Variants in ASPRV1 observed in about 807,000 individuals in gnomAD.
ASPRV1 encodes retroviral-like aspartic protease 1.
In ASPRV1, 7 loss-of-function variants were observed where a neutral mutation model predicts 11.0. That is an observed-to-expected ratio of 0.64 (90% CI 0.36 to 1.20). The LOEUF is 1.20. Among genes scored for constraint, ASPRV1 ranks in the 50% most tolerant of loss-of-function variants. The pLI is 0.02. For missense variants in ASPRV1, 299 were observed against 320.0 expected, an observed-to-expected ratio of 0.93 and a Z score of 0.50; for synonymous variants, 136 against 138.4, an observed-to-expected ratio of 0.98 and a Z score of 0.12.
chr2:69,944,418 G>A, the ASPRV1 span, among the ~76,000 whole-genome samples: 9 of 152,312 alleles, frequency 5.9e-5, no homozygotes, highest in South Asian at 4.1e-4. Flanking sequence ...CAGGGCCTCC[G>A]TGAACCTTCA....
chr2:70,014,796 C>CAAAAAAAAAAAA, the ASPRV1 span, among the ~76,000 whole-genome samples: 160 of 73,506 alleles, frequency 2.2e-3, 1 homozygote, highest in Non-Finnish European at 3.2e-3. Flanking sequence ...GACCTTGTCT[C>CAAAAAAAAAAAA]AAAAAAAAAA....
At chr2:69,955,852 A>G (rs1455243526), downstream of ASPRV1, among the ~76,000 whole-genome samples, 2 of 152,182 alleles carry the variant, frequency 1.3e-5, no homozygotes, top group African/African-American at 4.8e-5. Context: ...AGAGAGAGAA[A>G]TATAGAGAAG....
the ASPRV1 span, chr2:70,032,091 G>A: frequency 6.6e-6 from 1 of 152,170 alleles, no homozygotes; most frequent in Admixed American, 6.5e-5. Context: ...CTGAGAGTGG[G>A]GAAGGATGTG....
chr2:69,971,738 A>C, the ASPRV1 span, among the ~76,000 whole-genome samples: 100,506 of 152,086 alleles, frequency 0.66, 35,447 homozygotes, highest in African/African-American at 0.9. Context: ...CATGTAGCCA[A>C]GCCAGCCCTG....
chr2:69,995,058 A>C, the ASPRV1 span, among the ~76,000 whole-genome samples: 6 of 151,050 alleles, frequency 4.0e-5, no homozygotes, highest in Non-Finnish European at 5.9e-5. Flanking sequence ...ATATCCAAGC[A>C]CATCACATGT....
chr2:69,964,775 C>G (rs1054189015), upstream of ASPRV1: 1 of 152,744 alleles, frequency 6.5e-6, no homozygotes, highest in African/African-American at 2.4e-5. Flanking sequence ...TCCACGCCCC[C>G]TCACTGAGAT....
chr2:70,023,260 C>T, the ASPRV1 span, among the ~76,000 whole-genome samples: 1 of 152,162 alleles, frequency 6.6e-6, no homozygotes, highest in Non-Finnish European at 1.5e-5. Context: ...TCTTCTTCAC[C>T]TTCTGAATCT....
the ASPRV1 span, chr2:69,937,412 T>A: frequency 6.3e-7 from 1 of 1,582,900 alleles, no homozygotes; most frequent in Non-Finnish European, 8.6e-7. Context: ...TCTCTCACTC[T>A]CCTCCCTGTC....
chr2:69,958,533 G>C (rs1433056730), downstream of ASPRV1, among the ~76,000 whole-genome samples: 1 of 152,106 alleles, frequency 6.6e-6, no homozygotes, highest in Non-Finnish European at 1.5e-5. Context: ...ATTCTGGCCT[G>C]GCCACCAATT....
the ASPRV1 span, among the ~76,000 whole-genome samples, chr2:70,065,819 C>CAAAAAA: frequency 1.5e-4 from 10 of 67,446 alleles, no homozygotes; most frequent in African/African-American, 4.1e-4. Flanking sequence ...GCTTTTGACT[C>CAAAAAA]AAAAAAAAAA....
At chr2:69,968,441 T>G in the ASPRV1 span, 4 of 151,996 alleles carry the variant, frequency 2.6e-5, no homozygotes, top group African/African-American at 9.7e-5. Flanking sequence ...GGAGAATCAC[T>G]TGAACCCAGG....
the ASPRV1 span, among the ~76,000 whole-genome samples, chr2:70,000,851 A>C: frequency 6.6e-6 from 1 of 151,620 alleles, no homozygotes; most frequent in African/African-American, 2.4e-5. Context: ...GATAAAGCAC[A>C]TAAGCAGATA....
chr2:69,965,633 C>T (rs1459803367), upstream of ASPRV1, among the ~76,000 whole-genome samples: 1 of 152,170 alleles, frequency 6.6e-6, no homozygotes, highest in Non-Finnish European at 1.5e-5. Context: ...TTGACCACAG[C>T]GAGATACATT....
the ASPRV1 span, among the ~76,000 whole-genome samples, chr2:69,937,601 A>C: frequency 2.0e-5 from 3 of 152,138 alleles, no homozygotes; most frequent in African/African-American, 7.2e-5. Context: ...GATTGGTGTC[A>C]GTTTTCAGCC....
chr2:69,961,099 T>G lies in ASPRV1; in HGVS notation c.338A>C (p.Tyr113Ser). Residue 113 changes from tyrosine (Y) to serine (S), a missense_variant, in exon 1 of 1, where the codon TAT (tyrosine) becomes TCT (serine). Coordinates refer to ENST00000320256, the MANE Select transcript of ASPRV1 (RefSeq NM_152792.4). Reference protein sequence around the residue: ...VFANSMGKGYYLKGKIGKVPV... With the variant: ...VFANSMGKGYSLKGKIGKVPV... ...CACTTTGCCAATCTTCCCCTTGAGATAGTAGCCCTTACCCATGCTGTTGGC... is the reference window on the plus strand; with the variant it reads ...CACTTTGCCAATCTTCCCCTTGAGAGAGTAGCCCTTACCCATGCTGTTGGC... The G allele has an allele frequency of 6.2e-7, 1 of 1,613,832 alleles. No homozygotes were observed. The highest frequency in any genetic ancestry group is 8.5e-7 in the Non-Finnish European group (1 of 1,179,904).
chr2:70,084,678 TAACA>T, the ASPRV1 span, among the ~76,000 whole-genome samples: 1 of 152,256 alleles, frequency 6.6e-6, no homozygotes, highest in Non-Finnish European at 1.5e-5. Context: ...CTGCATGTAG[TAACA>T]AATATTGTTT....
the ASPRV1 span, among the ~76,000 whole-genome samples, chr2:70,084,062 T>TA: frequency 1.3e-5 from 2 of 152,236 alleles, no homozygotes; most frequent in Non-Finnish European, 2.9e-5. Flanking sequence ...GAGAAACTGT[T>TA]AAGACTCTCG....
At chr2:69,957,503 C>T (rs564926051), downstream of ASPRV1, among the ~76,000 whole-genome samples, 21 of 150,954 alleles carry the variant, frequency 1.4e-4, 1 homozygote, top group Non-Finnish European at 2.8e-4. Flanking sequence ...TTGTGGTGGT[C>T]ATTATTAGAG....
At chr2:70,058,918 A>C in the ASPRV1 span, among the ~76,000 whole-genome samples, 9 of 107,666 alleles carry the variant, frequency 8.4e-5, no homozygotes, top group East Asian at 2.7e-4. Flanking sequence ...ACAGAGTCTC[A>C]CTCTGTCACC....
Sources: allele counts gnomAD v4.1 joint callset (sites outside exome capture counted in the v4.1 genomes callset), GRCh38; gene constraint gnomAD v4.1.1; transcripts MANE v1.5; gene names NCBI Gene and HGNC (gene_info 2026-07-23, HGNC 2026-07-21).